ATAD2B: variants seen among roughly 807,000 people sequenced by gnomAD.
ATAD2B encodes ATPase family AAA domain-containing protein 2B.
A neutral mutation model predicts 167.6 loss-of-function variants in ATAD2B; 40 were observed. That is an observed-to-expected ratio of 0.24 (90% CI 0.19 to 0.31). ATAD2B has a LOEUF of 0.31. ATAD2B is among the 10% of genes least tolerant of loss of function. ATAD2B has a pLI of 1.00. For synonymous variants in ATAD2B, 579 were observed against 596.5 expected (o/e 0.97, Z 0.43); for missense variants, 1,242 against 1,757.2 (o/e 0.71, Z 5.24).
chr2:23,752,210 T>C, intron 27 of ATAD2B, 123 bp from the exon 28 acceptor site: 1 of 705,198 alleles, frequency 1.4e-6, no homozygotes, highest in South Asian at 1.7e-5. Flanking sequence ...ACTTTGAATA[T>C]TTTCCTGATT....
At chr2:23,820,497 C>T (rs1033820322) in intron 16 of ATAD2B, among the ~76,000 whole-genome samples, 6 of 152,144 alleles carry the variant, frequency 3.9e-5, no homozygotes, top group African/African-American at 1.4e-4. Context: ...ACACTTAAAG[C>T]CTTACCTGGA....
chr2:23,775,586 T>C (rs1455424595), intron 22 of ATAD2B, among the ~76,000 whole-genome samples: 1 of 152,218 alleles, frequency 6.6e-6, no homozygotes, highest in Non-Finnish European at 1.5e-5. Flanking sequence ...TCTTGTATGT[T>C]GCTTATATCT....
At chr2:23,876,358 G>A (rs927147730) in intron 7 of ATAD2B, among the ~76,000 whole-genome samples, 1 of 150,422 alleles carries the variant, frequency 6.6e-6, no homozygotes, top group Admixed American at 6.6e-5. Flanking sequence ...CTGGAGTGCA[G>A]TGGCGCGATC....
At chr2:23,893,685 T>A (rs1307114512) in intron 2 of ATAD2B, among the ~76,000 whole-genome samples, 2 of 145,304 alleles carry the variant, frequency 1.4e-5, no homozygotes, top group African/African-American at 2.5e-5. Flanking sequence ...TTTTTTTTTT[T>A]ACGAAGACAG....
At chr2:23,915,706 C>T (rs977548225) in intron 1 of ATAD2B, among the ~76,000 whole-genome samples, 2 of 150,886 alleles carry the variant, frequency 1.3e-5, no homozygotes, top group Admixed American at 1.3e-4. Context: ...ATTCCCCTGC[C>T]TCAGCCTCCC....
At position 23,927,029 on chromosome 2, in the gene ATAD2B, G is replaced by T; in HGVS notation, c.-259C>A. 2.1e-6 allele frequency: 1 copy of T among 473,334 alleles called. No individual in the cohort carries two copies. The highest frequency in any genetic ancestry group is 3.7e-6 in the Non-Finnish European group (1 of 271,148). The allele number at this position is 473,334 out of a possible 1,614,324, so 29.3% of individuals were successfully genotyped here. A position where few individuals can be genotyped will look rare whatever the true frequency, so the allele number is the denominator to read the frequency against. The stretch of plus-strand genomic sequence containing the variant: ...CTCCGCCGGCTTCGCCCTCCTCAGC[G>T]GGAGCCGAGCGGAGCCGCCATTTCT... On this transcript the variant is annotated 5_prime_UTR_variant, in exon 1 of 28. Transcript: ENST00000238789.
intron 19 of ATAD2B, among the ~76,000 whole-genome samples, chr2:23,795,785 G>A (rs979837281): frequency 6.6e-5 from 10 of 151,628 alleles, no homozygotes; most frequent in African/African-American, 2.4e-4. Flanking sequence ...AGGCTGAGAC[G>A]GGAGAATCAC....
At chr2:23,738,692 C>T in the ATAD2B span, among the ~76,000 whole-genome samples, 9 of 152,280 alleles carry the variant, frequency 5.9e-5, no homozygotes, top group Middle Eastern at 3.4e-3. Context: ...CAAATTCACA[C>T]ATAACAATAT....
the ATAD2B span, among the ~76,000 whole-genome samples, chr2:23,716,437 CATT>C: frequency 2.1e-5 from 2 of 97,518 alleles, no homozygotes; most frequent in African/African-American, 6.2e-5. Flanking sequence ...TGGGACCTTT[CATT>C]GTTGTTGTTG....
the ATAD2B span, chr2:23,703,846 C>T: frequency 6.5e-7 from 1 of 1,537,126 alleles, no homozygotes; most frequent in Admixed American, 2.0e-5. Context: ...ACATGAACCA[C>T]TCTCGCCAGT....
chr2:23,741,576 G>A, the ATAD2B span, among the ~76,000 whole-genome samples: 1 of 152,026 alleles, frequency 6.6e-6, no homozygotes, highest in African/African-American at 2.4e-5. Flanking sequence ...AGACTTAAAC[G>A]TTAGCCCTAA....
chr2:23,779,589 A>C (rs1474878586), intron 22 of ATAD2B, among the ~76,000 whole-genome samples: 2 of 152,178 alleles, frequency 1.3e-5, no homozygotes, highest in Non-Finnish European at 2.9e-5. Context: ...AACTTATTCT[A>C]AGGAAATAAT....
At position 23,760,715 on chromosome 2, in the gene ATAD2B, CACACACACACACACATAT is replaced by C. The variant is rs1344439510; in HGVS notation, c.3394+1476_3394+1493del. ...TTATATATATACACACACACACACA[CACACACACACACACATAT>C]ACACACACACACACACATACACACA... On this transcript the variant is annotated intron_variant, in intron 24 of 27. Coordinates refer to ENST00000238789, the MANE Select transcript of ATAD2B (RefSeq NM_017552.4). 9.4e-4 allele frequency among the ~76,000 whole-genome samples: 134 copies of C among 142,416 alleles called. 3 individuals carry two copies. The highest frequency in any genetic ancestry group is 3.5e-4 in the Non-Finnish European group (23 of 65,390). 93.4% of individuals were successfully genotyped at this position (142,416 alleles called of 152,430 possible). A position where few individuals can be genotyped will look rare whatever the true frequency, so the allele number is the denominator to read the frequency against.
intron 18 of ATAD2B, among the ~76,000 whole-genome samples, chr2:23,805,536 C>T (rs74570152): frequency 0.079 from 12,037 of 152,196 alleles, 605 homozygotes; most frequent in South Asian, 0.12. Flanking sequence ...CAATTACACA[C>T]GACACAGTGA....
At chr2:23,810,527 A>G (rs2149538998) in intron 17 of ATAD2B, 25 bp from the exon 18 acceptor site, 2 of 1,576,026 alleles carry the variant, frequency 1.3e-6, no homozygotes, top group South Asian at 1.1e-5. Flanking sequence ...AGACATAATT[A>G]TTTCAAAGGC....
At chr2:23,725,670 G>A in the ATAD2B span, among the ~76,000 whole-genome samples, 1 of 152,008 alleles carries the variant, frequency 6.6e-6, no homozygotes, top group African/African-American at 2.4e-5. Flanking sequence ...AGAAATAAAA[G>A]GAAATACTCA....
At chr2:23,746,797 C>T (rs1375198617), downstream of ATAD2B, among the ~76,000 whole-genome samples, 1 of 152,052 alleles carries the variant, frequency 6.6e-6, no homozygotes, top group Non-Finnish European at 1.5e-5. Flanking sequence ...GAGTTCCTGG[C>T]AAATTTTTAA....
chr2:23,680,687 C>T, the ATAD2B span, among the ~76,000 whole-genome samples: 429 of 146,542 alleles, frequency 2.9e-3, no homozygotes, highest in South Asian at 7.7e-3. This position sits in a 1 kb window ranked among gnomAD's most constrained non-coding sequence, Gnocchi z 4.1. Context: ...AGGCCATCTT[C>T]CCCTGGGGTC....
At chr2:23,731,444 G>T in the ATAD2B span, among the ~76,000 whole-genome samples, 514 of 152,202 alleles carry the variant, frequency 3.4e-3, 3 homozygotes, top group African/African-American at 0.012. Context: ...CAATAAGGAG[G>T]ATAACCAGAC....
Sources: gnomAD v4.1 joint callset for allele counts (sites outside exome capture counted in the v4.1 genomes callset) on GRCh38, gnomAD v4.1.1 for gene constraint, Gnocchi (gnomAD v3.1) non-coding constraint, MANE v1.5 for transcripts, NCBI Gene and HGNC (gene_info 2026-07-23, HGNC 2026-07-21) for gene names.